Variants in RPL28 observed in about 807,000 individuals in gnomAD.
The protein encoded by RPL28 is large ribosomal subunit protein eL28.
In RPL28, 4 loss-of-function variants were observed where a neutral mutation model predicts 12.5. That is an observed-to-expected ratio of 0.32 (90% CI 0.16 to 0.73). RPL28 has a LOEUF of 0.73. Among genes scored for constraint, RPL28 ranks in the 30% least tolerant of loss-of-function variants. The pLI is 0.66. For missense variants in RPL28, 214 were observed against 197.7 expected, an observed-to-expected ratio of 1.08 and a Z score of -0.49; for synonymous variants, 91 against 72.5, an observed-to-expected ratio of 1.26 and a Z score of -1.30.
At chr19:55,400,279 A>C (rs1042081348) in intron 4 of RPL28, 1 of 152,168 alleles carries the variant, frequency 6.6e-6, no homozygotes, top group Non-Finnish European at 1.5e-5. Context: ...TTCACCTCCT[A>C]AAGTTGGGAT....
In RPL28 at chr19:55,390,011, G is replaced by A; in HGVS notation, c.*1679G>A. ...TTAGTAGATGGCCCCTTCTCGTGAG[G>A]CCTCTCCCCTGGCACCTGCTTCAGT... On this transcript the variant is annotated 3_prime_UTR_variant, in exon 5 of 5. Transcript: ENST00000344063. 1.0e-6 allele frequency: 1 copy of A among 985,464 alleles called. No individual in the cohort carries two copies. Among genetic ancestry groups the A allele is most frequent in the Non-Finnish European group, 1.2e-6 (1 of 829,958 alleles). The allele number at this position is 985,464 out of a possible 1,614,324, so 61.0% of individuals were successfully genotyped here. A position where few individuals can be genotyped will look rare whatever the true frequency, so the allele number is the denominator to read the frequency against.
chr19:55,398,360 A>G (rs1204371070), intron 4 of RPL28, among the ~76,000 whole-genome samples: 4 of 152,202 alleles, frequency 2.6e-5, no homozygotes, highest in African/African-American at 7.2e-5. Context: ...TTGTTGAGTA[A>G]TAAGTTGAGT....
chr19:55,386,830 C>A (rs2089934426), intron 3 of RPL28, 137 bp downstream of exon 3: 5 of 1,582,032 alleles, frequency 3.2e-6, no homozygotes, highest in Non-Finnish European at 3.4e-6. Flanking sequence ...GGTCTGGGTA[C>A]CGGCTTCCCT....
Position 55,388,311 on chromosome 19 carries a change from C to G in RPL28, c.393C>G (p.Thr131=), listed in dbSNP as rs200664328. 7 of 1,578,752 alleles carry G rather than the reference C, an allele frequency of 4.4e-6. No individual in the cohort carries two copies. In the East Asian group the frequency reaches 9.3e-5, roughly 21 times the overall value. Residue 131 remains threonine (T), a synonymous_variant, in exon 5 of 5, where the codon ACC becomes ACG. Transcript: ENST00000344063. ...CTGTGATGGTGAAGAGGAAGCGGAC[C>G]CGCCCCACCAAGAGCTCCTGAGCCC... is the stretch of plus-strand genomic sequence containing the variant. The part of the protein sequence containing the change: ...QKPVMVKRKR[T]RPTKSS
chr19:55,392,165 T>A, downstream of RPL28: 1 of 971,446 alleles, frequency 1.0e-6, no homozygotes, highest in Non-Finnish European at 1.2e-6. Context: ...AATCTCAGAA[T>A]CCCAGCCCCT....
At chr19:55,400,119 C>T (rs1600315864) in intron 4 of RPL28, 1 of 152,206 alleles carries the variant, frequency 6.6e-6, no homozygotes, top group Non-Finnish European at 1.5e-5. Flanking sequence ...TAGGCAAATT[C>T]TTTCAGGACA....
intron 4 of RPL28, among the ~76,000 whole-genome samples, chr19:55,397,196 T>C (rs2090029948): frequency 6.6e-6 from 1 of 152,204 alleles, no homozygotes; most frequent in South Asian, 2.1e-4. Flanking sequence ...TTTTCTTTTA[T>C]AGTTTACCAC....
In RPL28 at chr19:55,391,279, G is replaced by A. The variant is rs1308404822; in HGVS notation, c.*2947G>A. The A allele has an allele frequency of 1.8e-5, 8 of 439,756 alleles. No individual in the cohort carries two copies. The highest frequency in any genetic ancestry group is 2.8e-5 in the Non-Finnish European group (8 of 289,960). The allele number at this position is 439,756 out of a possible 1,614,324, so 27.2% of individuals were successfully genotyped here. A position where few individuals can be genotyped will look rare whatever the true frequency, so the allele number is the denominator to read the frequency against. ...TTCCAGTCCCAGCTCTGCCAGTTAT[G>A]CCCAGCTGTGGGGACTTGGGCAGCT... is the stretch of plus-strand genomic sequence containing the variant. On this transcript the variant is annotated 3_prime_UTR_variant, in exon 5 of 5. Coordinates refer to ENST00000344063, the MANE Select transcript of RPL28 (RefSeq NM_000991.5).
chr19:55,399,706 C>T (rs1237632614), intron 4 of RPL28: 2 of 152,120 alleles, frequency 1.3e-5, no homozygotes, highest in African/African-American at 4.8e-5. Flanking sequence ...CCTATTAATA[C>T]CCAGGAGATT....
intron 4 of RPL28, among the ~76,000 whole-genome samples, chr19:55,397,470 TC>T (rs1276912578): frequency 6.6e-6 from 1 of 151,774 alleles, no homozygotes; most frequent in Non-Finnish European, 1.5e-5. Flanking sequence ...AGCTCCGCCT[TC>T]CGGGTTCACG....
rs766815404 is a variant in RPL28, at chr19:55,386,293, C to G, written c.-8-57C>G. On this transcript the variant is annotated intron_variant, in intron 1 of 4. Transcript: ENST00000344063. Reference sequence around the variant, plus strand: ...CTGCTGTCCGAGCGTGGCCCGTGGCCTAACGCTGCTTTAGTTCTCTGTGTC... The same window carrying G: ...CTGCTGTCCGAGCGTGGCCCGTGGCGTAACGCTGCTTTAGTTCTCTGTGTC... The G allele has an allele frequency of 1.7e-4, 269 of 1,544,028 alleles. 1 individual carries two copies. The highest frequency in any genetic ancestry group is 2.2e-4 in the Non-Finnish European group (243 of 1,125,986).
downstream of RPL28, among the ~76,000 whole-genome samples, chr19:55,394,013 A>T (rs1184013046): frequency 1.3e-5 from 2 of 151,474 alleles, no homozygotes; most frequent in African/African-American, 4.8e-5. Context: ...CTGTAATCCC[A>T]GCACTTTGGG....
chr19:55,388,789 A>G lies in RPL28; in HGVS notation c.*457A>G. 1 of 994,220 alleles carries G rather than the reference A, an allele frequency of 1.0e-6. No individual in the cohort carries two copies. The highest frequency in any genetic ancestry group is 1.2e-6 in the Non-Finnish European group (1 of 836,210). 61.6% of individuals were successfully genotyped at this position (994,220 alleles called of 1,614,324 possible). ...CGACAGACATCACGGGAGGAAGATG[A>G]GATGACTTTTGCATCCAGGGAGTGG... On this transcript the variant is annotated 3_prime_UTR_variant, in exon 5 of 5. Transcript: ENST00000344063.
In RPL28 at chr19:55,388,277, G is replaced by T; in HGVS notation, c.359G>T (p.Ser120Ile). 6.3e-7 allele frequency: 1 copy of T among 1,582,934 alleles called. No individual in the cohort carries two copies. The highest frequency in any genetic ancestry group is 1.8e-5 in the Admixed American group (1 of 55,558). ...AIRRASAILR[S>I]QKPVMVKRKR... ...CGCAGGGCCAGCGCCATCCTGCGCA[G>T]CCAGAAGCCTGTGATGGTGAAGAGG... The change falls in exon 5 of 5, where the codon AGC (serine) becomes ATC (isoleucine). Residue 120 changes from serine (S) to isoleucine (I), a missense_variant. Transcript: ENST00000344063.
Position 55,390,518 on chromosome 19 carries a change from A to G in RPL28, c.*2186A>G. On this transcript the variant is annotated 3_prime_UTR_variant, in exon 5 of 5. Coordinates refer to ENST00000344063, the MANE Select transcript of RPL28 (RefSeq NM_000991.5). The stretch of plus-strand genomic sequence containing the variant: ...CTTTCTGATGTGGCTGCTGCTGCTC[A>G]GAAGGCCTTGTCCTTAACCACCTCC... 1 of 985,496 alleles carries G rather than the reference A, an allele frequency of 1.0e-6. No homozygotes were observed. The highest frequency in any genetic ancestry group is 4.7e-5 in the South Asian group (1 of 21,292). The allele number at this position is 985,496 out of a possible 1,614,324, so 61.0% of individuals were successfully genotyped here. A position where few individuals can be genotyped will look rare whatever the true frequency, so the allele number is the denominator to read the frequency against.
Position 55,389,872 on chromosome 19 carries a change from G to A in RPL28, c.*1540G>A. 4.1e-6 allele frequency: 4 copies of A among 985,598 alleles called. No individual in the cohort carries two copies. Among genetic ancestry groups the A allele is most frequent in the Non-Finnish European group, 3.6e-6 (3 of 830,082 alleles). 61.1% of individuals were successfully genotyped at this position (985,598 alleles called of 1,614,324 possible). ...CACCTCCAGCTGGCCTCACTCCGCT[G>A]GTGACTTCGTACCTGCTCAGGAGCC... On this transcript the variant is annotated 3_prime_UTR_variant, in exon 5 of 5. Transcript: ENST00000344063.
At chr19:55,396,088 G>A (rs764340910), downstream of RPL28, among the ~76,000 whole-genome samples, 2 of 151,186 alleles carry the variant, frequency 1.3e-5, no homozygotes, top group Non-Finnish European at 2.9e-5. Flanking sequence ...GACCGGCCTG[G>A]GCAACACAGT....
rs138042141 is a variant in RPL28, at chr19:55,388,601, C to G, written c.*269C>G. ...CTGACTTGTGATTGAGACCTACTGT[C>G]CCATTGTGAGGTGGCCTGAAGAATC... On this transcript the variant is annotated 3_prime_UTR_variant, in exon 5 of 5. Transcript: ENST00000344063. The G allele has an allele frequency of 6.7e-5, 82 of 1,232,676 alleles. No homozygotes were observed. Among genetic ancestry groups the G allele is most frequent in the Non-Finnish European group, 8.2e-5 (81 of 987,834 alleles). The allele number at this position is 1,232,676 out of a possible 1,614,324, so 76.4% of individuals were successfully genotyped here. A position where few individuals can be genotyped will look rare whatever the true frequency, so the allele number is the denominator to read the frequency against.
rs192453603 is a variant in RPL28 at position 55,388,382 on chromosome 19, G to C, written c.*50G>C. 3.7e-4 allele frequency: 535 copies of C among 1,432,622 alleles called. 3 individuals carry two copies. In the African/African-American group the frequency reaches 7.2e-3, roughly 19 times the overall value. The allele number at this position is 1,432,622 out of a possible 1,614,324, so 88.7% of individuals were successfully genotyped here. On this transcript the variant is annotated 3_prime_UTR_variant, in exon 5 of 5. Coordinates refer to ENST00000344063, the MANE Select transcript of RPL28 (RefSeq NM_000991.5). ...GTCAGCTGGCTTTCTCACCTGCCTC[G>C]ACTGGGCCTCCCTTTTTGAAACGCT... is the stretch of plus-strand genomic sequence containing the variant.
Sources: allele counts gnomAD v4.1 joint callset (sites outside exome capture counted in the v4.1 genomes callset), GRCh38; gene constraint gnomAD v4.1.1; transcripts MANE v1.5; gene names NCBI Gene and HGNC (gene_info 2026-07-23, HGNC 2026-07-21).